The following DPP9 variants were observed in gnomAD, a reference collection of about 807,000 sequenced individuals.
DPP9 encodes dipeptidyl peptidase IV-related protein-2.
A neutral mutation model predicts 110.7 loss-of-function variants in DPP9; 50 were observed. That is an observed-to-expected ratio of 0.45 (90% CI 0.36 to 0.57). DPP9 has a LOEUF of 0.57. DPP9 is among the 20% of genes least tolerant of loss of function. The probability of loss-of-function intolerance (pLI) is 0.00; values close to 1 mark genes in which losing one functional copy is unlikely to be tolerated. For synonymous variants in DPP9, 561 were observed against 514.4 expected, an observed-to-expected ratio of 1.09 and a Z score of -1.23; for missense variants, 1,022 against 1,217.9, an observed-to-expected ratio of 0.84 and a Z score of 2.39.
chr19:4,684,894 C>A lies in DPP9; in HGVS notation c.2032-85G>T, dbSNP rs370657372. On this transcript the variant is annotated intron_variant, in intron 17 of 21. Coordinates refer to ENST00000262960, the MANE Select transcript of DPP9 (RefSeq NM_139159.5). This position sits in a 1 kb window ranked among gnomAD's most constrained non-coding sequence, Gnocchi z 4.8. ...GGGGAGATGCCGGTGGGCTGGGGAC[C>A]GGGCCGGGCTGGGGCCTCAGAGCCT... 1.3e-6 allele frequency: 2 copies of A among 1,529,192 alleles called. No homozygotes were observed. Among genetic ancestry groups the A allele is most frequent in the Non-Finnish European group, 1.8e-6 (2 of 1,129,930 alleles). 94.7% of individuals were successfully genotyped at this position (1,529,192 alleles called of 1,614,324 possible). A position where few individuals can be genotyped will look rare whatever the true frequency, so the allele number is the denominator to read the frequency against.
chr19:4,704,093 C>T lies in DPP9; in HGVS notation c.600+38G>A. ...CGCCCAGCTCAGGGGGAGGGGCCCTCCACGCCACCCCCGCACACAGCCAGG... is the reference window on the plus strand; with the variant it reads ...CGCCCAGCTCAGGGGGAGGGGCCCTTCACGCCACCCCCGCACACAGCCAGG... On this transcript the variant is annotated intron_variant, in intron 6 of 21. Transcript: ENST00000262960. This position sits in a 1 kb window ranked among gnomAD's most constrained non-coding sequence, Gnocchi z 6.0. 6.2e-7 allele frequency: 1 copy of T among 1,613,558 alleles called. No homozygotes were observed. The highest frequency in any genetic ancestry group is 8.5e-7 in the Non-Finnish European group (1 of 1,179,636).
At position 4,676,559 on chromosome 19, in the gene DPP9, C is replaced by T; in HGVS notation, c.*5G>A. ...CTGTGATGTGGCGGCTCCCGGTGGG[C>T]AGGCTCAGAGGTATTCCTGTAGAAA... On this transcript the variant is annotated 3_prime_UTR_variant, in exon 22 of 22. Coordinates refer to ENST00000262960, the MANE Select transcript of DPP9 (RefSeq NM_139159.5). The surrounding 1 kb of genome is among the most constrained non-coding windows in gnomAD (Gnocchi z 4.0). 1 of 1,586,638 alleles carries T rather than the reference C, an allele frequency of 6.3e-7. No homozygotes were observed. The highest frequency in any genetic ancestry group is 8.6e-7 in the Non-Finnish European group (1 of 1,167,454).
At position 4,700,147 on chromosome 19, in the gene DPP9, C is replaced by T. The variant is rs2092137395; in HGVS notation, c.1074+69G>A. 2 of 1,331,756 alleles carry T rather than the reference C, an allele frequency of 1.5e-6. No individual in the cohort carries two copies. Among genetic ancestry groups the T allele is most frequent in the South Asian group, 1.6e-5 (1 of 62,480 alleles). 82.5% of individuals were successfully genotyped at this position (1,331,756 alleles called of 1,614,324 possible). On this transcript the variant is annotated intron_variant, in intron 10 of 21. Coordinates refer to ENST00000262960, the MANE Select transcript of DPP9 (RefSeq NM_139159.5). This position sits in a 1 kb window ranked among gnomAD's most constrained non-coding sequence, Gnocchi z 4.3. ...GGGAGGTGAGTGACCTGCCCATCCA[C>T]CCAGCTGCCTACCCGGCCCTTCCCC...
intron 20 of DPP9, among the ~76,000 whole-genome samples, chr19:4,680,797 A>T (rs2089754151): frequency 6.6e-6 from 1 of 152,192 alleles, no homozygotes. Flanking sequence ...TCTCTATTAA[A>T]GATACAAAAA....
rs370329158 is a variant in DPP9 at position 4,693,321 on chromosome 19, G to A, written c.1516+1340C>T. ...ACCCTTGGGAGCTCTGTCCCATCCCGAGGCTGACACTGTCAGTGTGCAAGG... is the reference window on the plus strand; with the variant it reads ...ACCCTTGGGAGCTCTGTCCCATCCCAAGGCTGACACTGTCAGTGTGCAAGG... On this transcript the variant is annotated intron_variant, in intron 13 of 21. Coordinates refer to ENST00000262960, the MANE Select transcript of DPP9 (RefSeq NM_139159.5). This position sits in a 1 kb window ranked among gnomAD's most constrained non-coding sequence, Gnocchi z 5.0. Among the ~76,000 whole-genome samples the A allele has an allele frequency of 5.4e-4, 82 of 152,182 alleles. 1 individual carries two copies. The highest frequency in any genetic ancestry group is 1.9e-3 in the African/African-American group (81 of 41,540).
chr19:4,680,950 C>T (rs1413098272), intron 20 of DPP9, among the ~76,000 whole-genome samples: 8 of 152,080 alleles, frequency 5.3e-5, no homozygotes, highest in Admixed American at 3.9e-4. Flanking sequence ...GAGTGAGACT[C>T]TCTCAACAAA....
rs755380469 is a variant in DPP9, at chr19:4,685,425, C to T, written c.2031+201G>A. The T allele has an allele frequency of 1.1e-4, 77 of 674,398 alleles. No individual in the cohort carries two copies. The highest frequency in any genetic ancestry group is 1.0e-4 in the Non-Finnish European group (39 of 371,666). The allele number at this position is 674,398 out of a possible 1,614,324, so 41.8% of individuals were successfully genotyped here. A position where few individuals can be genotyped will look rare whatever the true frequency, so the allele number is the denominator to read the frequency against. On this transcript the variant is annotated intron_variant, in intron 17 of 21. Transcript: ENST00000262960. This position sits in a 1 kb window ranked among gnomAD's most constrained non-coding sequence, Gnocchi z 5.8. ...GAGGCCATCCAGGAAGGGCGGGGAG[C>T]GTGCAAACGGGCACAGAGAAAGGAG...
Position 4,689,853 on chromosome 19 carries a change from C to T in DPP9, c.1597-131G>A, listed in dbSNP as rs1259871249. ...GCATGCTGTCCTCGCCCAAGTCTGG[C>T]TTTAGGGCTGGAGATGAACCATCCC... On this transcript the variant is annotated intron_variant, in intron 14 of 21. Coordinates refer to ENST00000262960, the MANE Select transcript of DPP9 (RefSeq NM_139159.5). This position sits in a 1 kb window ranked among gnomAD's most constrained non-coding sequence, Gnocchi z 7.0. 9.6e-7 allele frequency: 1 copy of T among 1,044,378 alleles called. No individual in the cohort carries two copies. The highest frequency in any genetic ancestry group is 1.3e-6 in the Non-Finnish European group (1 of 747,382). 64.7% of individuals were successfully genotyped at this position (1,044,378 alleles called of 1,614,324 possible).
chr19:4,704,377 C>T lies in DPP9; in HGVS notation c.427-73G>A, dbSNP rs2145760561. 2 of 1,534,482 alleles carry T rather than the reference C, an allele frequency of 1.3e-6. No homozygotes were observed. Among genetic ancestry groups the T allele is most frequent in the African/African-American group, 1.4e-5 (1 of 73,370 alleles). ...TCTCCCGCTGGCCAGGGCAGAGATC[C>T]TCGGGCTGGGGCATTCCCAGGGAAT... On this transcript the variant is annotated intron_variant, in intron 5 of 21. Transcript: ENST00000262960. This position sits in a 1 kb window ranked among gnomAD's most constrained non-coding sequence, Gnocchi z 6.0.
chr19:4,722,887 AC>A, intron 1 of DPP9: 1 of 288,116 alleles, frequency 3.5e-6, no homozygotes, highest in South Asian at 4.5e-5. Flanking sequence ...CCTGGGGAAG[AC>A]CAGGGGGTGG....
chr19:4,690,755 ATGTG>A (rs1272089389), intron 14 of DPP9, 119 bp downstream of exon 14: 66 of 778,254 alleles, frequency 8.5e-5, no homozygotes, highest in Non-Finnish European at 1.2e-4. Context: ...GCGTGTGTGT[ATGTG>A]TGAGAATGAG....
At position 4,718,364 on chromosome 19, in the gene DPP9, C is replaced by A. The variant is rs1316125791; in HGVS notation, c.56+1487G>T. On this transcript the variant is annotated intron_variant, in intron 3 of 21. Transcript: ENST00000262960. The surrounding 1 kb of genome is among the most constrained non-coding windows in gnomAD (Gnocchi z 4.3). ...GACTGCAGTTCTGAGTTCAGGCCGA[C>A]CACAAGGTGATAAGGCAGAAAGAAA... is the stretch of plus-strand genomic sequence containing the variant. Among the ~76,000 whole-genome samples, 5 of 152,190 alleles carry A rather than the reference C, an allele frequency of 3.3e-5. No homozygotes were observed. Among genetic ancestry groups the A allele is most frequent in the African/African-American group, 1.2e-4 (5 of 41,450 alleles).
chr19:4,692,634 C>T (rs555195842), intron 13 of DPP9, among the ~76,000 whole-genome samples: 1 of 152,302 alleles, frequency 6.6e-6, no homozygotes, highest in African/African-American at 2.4e-5. Flanking sequence ...CCTGGGGGCA[C>T]TGCAGCAGCC....
At chr19:4,702,841 GGGGAGGGAGAGGGAGGGAGA>G (rs368052666) in intron 7 of DPP9, 125 bp from the exon 8 acceptor site, 10 of 15,360 alleles carry the variant, frequency 6.5e-4, no homozygotes, top group Non-Finnish European at 9.6e-4. Context: ...GGAAGGAGAG[GGGGAGGGAGAGGGAGGGAGA>G]GGGAGGGAGA....
intron 4 of DPP9, among the ~76,000 whole-genome samples, chr19:4,707,837 G>C (rs1158877736): frequency 1.3e-5 from 2 of 151,302 alleles, no homozygotes; most frequent in Non-Finnish European, 2.9e-5. Context: ...TGTTGGCCAG[G>C]ATGGTCTCGA....
chr19:4,688,730 C>A, intron 16 of DPP9, 27 bp downstream of exon 16: 2 of 1,409,602 alleles, frequency 1.4e-6, no homozygotes, highest in East Asian at 2.8e-5. Context: ...GCGGAGGCCT[C>A]CGTGGGGCGG....
intron 16 of DPP9, chr19:4,688,522 G>A (rs924576546): frequency 6.7e-6 from 3 of 450,490 alleles, no homozygotes; most frequent in African/African-American, 4.1e-5. Context: ...CATCCCTGCC[G>A]GGTTCTGTGC....
In DPP9 at chr19:4,682,990, C is replaced by T. The variant is rs930474918; in HGVS notation, c.2332-152G>A. 64 of 1,530,978 alleles carry T rather than the reference C, an allele frequency of 4.2e-5. 2 individuals are homozygous for T. Among genetic ancestry groups the T allele is most frequent in the Non-Finnish European group, 4.9e-5 (56 of 1,144,976 alleles). The allele number at this position is 1,530,978 out of a possible 1,614,324, so 94.8% of individuals were successfully genotyped here. On this transcript the variant is annotated intron_variant, in intron 19 of 21. Coordinates refer to ENST00000262960, the MANE Select transcript of DPP9 (RefSeq NM_139159.5). This position sits in a 1 kb window ranked among gnomAD's most constrained non-coding sequence, Gnocchi z 7.1. ...GCCGGCAAGGAAGGGGCCCTCAGACCGCGTGGCCCCCGTGGACGGTGCGTG... is the reference window on the plus strand; with the variant it reads ...GCCGGCAAGGAAGGGGCCCTCAGACTGCGTGGCCCCCGTGGACGGTGCGTG...
At position 4,693,039 on chromosome 19, in the gene DPP9, CCT is replaced by C. The variant is rs1456952769; in HGVS notation, c.1516+1620_1516+1621del. On this transcript the variant is annotated intron_variant, in intron 13 of 21. Transcript: ENST00000262960. The surrounding 1 kb of genome is among the most constrained non-coding windows in gnomAD (Gnocchi z 5.0). ...GCCTCGCTCCCTGGGGTCTCTGTCCCCTGTGTTGGGGGACGCCTTGGCTGCTG... is the reference window on the plus strand; with the variant it reads ...GCCTCGCTCCCTGGGGTCTCTGTCCCGTGTTGGGGGACGCCTTGGCTGCTG... Among the ~76,000 whole-genome samples the C allele has an allele frequency of 7.9e-5, 12 of 152,292 alleles. No individual in the cohort carries two copies. The highest frequency in any genetic ancestry group is 2.2e-4 in the African/African-American group (9 of 41,576).
Sources: gnomAD v4.1 joint callset for allele counts (sites outside exome capture counted in the v4.1 genomes callset) on GRCh38, gnomAD v4.1.1 for gene constraint, Gnocchi (gnomAD v3.1) non-coding constraint, MANE v1.5 for transcripts, NCBI Gene and HGNC (gene_info 2026-07-23, HGNC 2026-07-21) for gene names.